The following COQ2 variants were observed in gnomAD, a reference collection of about 807,000 sequenced individuals.
COQ2 encodes the protein coenzyme Q2, polyprenyltransferase, also known as 4-hydroxybenzoate polyprenyltransferase, mitochondrial.
A neutral mutation model predicts 35.7 loss-of-function variants in COQ2; 25 were observed. The ratio of observed to expected loss-of-function variants is 0.70; its 90% CI spans 0.51 to 0.98. The LOEUF is 0.98. Ranked by LOEUF, COQ2 falls within the 50% of genes least tolerant of loss-of-function variation. COQ2 has a pLI of 0.00. For missense variants in COQ2, 488 were observed against 473.5 expected (o/e 1.03, Z -0.28); for synonymous variants, 206 against 186.2 (o/e 1.11, Z -0.86).
At chr4:83,279,701 G>A (rs565801630) in intron 1 of COQ2, among the ~76,000 whole-genome samples, 3 of 152,136 alleles carry the variant, frequency 2.0e-5, no homozygotes, top group African/African-American at 7.2e-5. Flanking sequence ...CTTCTGAGTA[G>A]GGGAACTGCA....
chr4:83,266,434 T>C (rs1217607207), intron 6 of COQ2, among the ~76,000 whole-genome samples: 3 of 151,832 alleles, frequency 2.0e-5, no homozygotes, highest in African/African-American at 4.8e-5. Context: ...CTTGGCTCAC[T>C]GGAACCTCTA....
At chr4:83,278,823 T>A in intron 2 of COQ2, 125 bp downstream of exon 2, 1 of 1,102,134 alleles carries the variant, frequency 9.1e-7, no homozygotes. Flanking sequence ...CCTGGCATTT[T>A]CCATGCTGGA....
Position 83,278,873 on chromosome 4 carries a change from A to G in COQ2, c.420+75T>C, listed in dbSNP as rs543756233. The G allele has an allele frequency of 2.2e-6, 3 of 1,389,824 alleles. No homozygotes were observed. In the South Asian group the frequency reaches 5.2e-5, roughly 24 times the overall value. 86.1% of individuals were successfully genotyped at this position (1,389,824 alleles called of 1,614,324 possible). A position where few individuals can be genotyped will look rare whatever the true frequency, so the allele number is the denominator to read the frequency against. ...GAATGATCTTGTTGCTTTATATGGC[A>G]TTCAAAAGTGATACCACTATGTTAT... On this transcript the variant is annotated intron_variant, in intron 2 of 6. Transcript: ENST00000647002.
chr4:83,276,360 T>C (rs1442058808), intron 2 of COQ2, among the ~76,000 whole-genome samples: 2 of 152,176 alleles, frequency 1.3e-5, no homozygotes, highest in Non-Finnish European at 2.9e-5. Flanking sequence ...TTTGCTCTGT[T>C]GATTATTTCT....
At chr4:83,279,841 T>C (rs1735274994) in intron 1 of COQ2, among the ~76,000 whole-genome samples, 1 of 148,166 alleles carries the variant, frequency 6.7e-6, no homozygotes, top group Admixed American at 7.0e-5. Context: ...GTTAGTACAA[T>C]ACACTTAGAC....
chr4:83,283,002 C>A (rs561791449), intron 1 of COQ2, among the ~76,000 whole-genome samples: 1 of 152,292 alleles, frequency 6.6e-6, no homozygotes, highest in South Asian at 2.1e-4. Context: ...GAATTACAGC[C>A]AGGCTTCAGA....
At chr4:83,284,155 G>C (rs1255983027) in intron 1 of COQ2, 3 of 985,434 alleles carry the variant, frequency 3.0e-6, no homozygotes, top group Non-Finnish European at 3.6e-6. Flanking sequence ...CCTTCCGCTT[G>C]AGTCACCATT....
upstream of COQ2, chr4:83,284,934 G>A (rs1735436787): frequency 4.1e-6 from 6 of 1,448,616 alleles, no homozygotes; most frequent in East Asian, 1.2e-4. Flanking sequence ...TTACTCTAGG[G>A]AGGAATACTT....
Position 83,269,883 on chromosome 4 carries a change from A to G in COQ2, c.739T>C (p.Tyr247His), listed in dbSNP as rs1735006080. ...ACCTGATGGGCATAAATAGTATCAT[A>G]TATTAGTGTCCACATAACTCCAGAA... ...YFSGVMWTLI[Y>H]DTIYAHQDKR... The change falls in exon 5 of 7, where the codon TAT becomes CAT. Residue 247 changes from tyrosine to histidine, a missense_variant. Coordinates refer to ENST00000647002, the MANE Select transcript of COQ2 (RefSeq NM_001358921.2). 7.5e-6 allele frequency: 12 copies of G among 1,607,922 alleles called. No homozygotes were observed. The highest frequency in any genetic ancestry group is 1.3e-5 in the African/African-American group (1 of 74,710).
intron 1 of COQ2, chr4:83,283,183 G>T: frequency 2.9e-6 from 2 of 683,666 alleles, no homozygotes; most frequent in Non-Finnish European, 3.6e-6. Context: ...AATAGGTCGT[G>T]CATAAATCTA....
intron 1 of COQ2, chr4:83,284,251 G>C (rs1165380582): frequency 2.0e-6 from 2 of 985,450 alleles, no homozygotes. Context: ...GGGTCCTTTA[G>C]GAGACTGTCC....
intron 2 of COQ2, among the ~76,000 whole-genome samples, chr4:83,276,496 A>G (rs1157398392): frequency 1.3e-5 from 2 of 152,230 alleles, no homozygotes; most frequent in African/African-American, 4.8e-5. Context: ...TAAAACCACA[A>G]TGAGATACCA....
intron 1 of COQ2, chr4:83,282,425 C>T (rs1001568607): frequency 6.5e-6 from 1 of 152,788 alleles, no homozygotes; most frequent in East Asian, 1.9e-4. Context: ...TGGAATTCTA[C>T]TCCTGTCAAT....
chr4:83,282,303 C>T (rs535445357), intron 1 of COQ2, among the ~76,000 whole-genome samples: 1 of 152,214 alleles, frequency 6.6e-6, no homozygotes, highest in South Asian at 2.1e-4. Context: ...TCAAAAACAA[C>T]GAAAACCTAC....
Position 83,277,317 on chromosome 4 carries a change from C to T in COQ2, c.420+1631G>A, listed in dbSNP as rs183755691. 3.8e-3 allele frequency among the ~76,000 whole-genome samples: 573 copies of T among 152,312 alleles called. 6 individuals carry two copies. Among genetic ancestry groups the T allele is most frequent in the Middle Eastern group, 0.01 (3 of 294 alleles). On this transcript the variant is annotated intron_variant, in intron 2 of 6. Transcript: ENST00000647002. Reference sequence around the variant, plus strand: ...CTACACCCCATATCCTCCAGCCACACACAGACCATGTAGTTGCTGCTATCA... The same window carrying T: ...CTACACCCCATATCCTCCAGCCACATACAGACCATGTAGTTGCTGCTATCA...
At chr4:83,273,218 A>C (rs1476217374) in intron 3 of COQ2, among the ~76,000 whole-genome samples, 1 of 152,246 alleles carries the variant, frequency 6.6e-6, no homozygotes, top group Non-Finnish European at 1.5e-5. Context: ...GCACGCACTT[A>C]GAAAACCTAT....
chr4:83,277,512 G>A (rs1243796083), intron 2 of COQ2, among the ~76,000 whole-genome samples: 1 of 152,138 alleles, frequency 6.6e-6, no homozygotes, highest in African/African-American at 2.4e-5. Context: ...GAGGTAAGTG[G>A]TCTTCAGCAA....
chr4:83,273,035 G>A (rs1735086055), intron 3 of COQ2, among the ~76,000 whole-genome samples: 1 of 152,186 alleles, frequency 6.6e-6, no homozygotes, highest in South Asian at 2.1e-4. Flanking sequence ...AGAGATACAG[G>A]AATGAGTCCT....
chr4:83,269,570 A>G (rs911014367), intron 5 of COQ2, among the ~76,000 whole-genome samples: 2 of 152,224 alleles, frequency 1.3e-5, no homozygotes, highest in African/African-American at 4.8e-5. Context: ...TTAAGTCTGT[A>G]AAGTACTTAA....
Sources: allele counts gnomAD v4.1 joint callset (sites outside exome capture counted in the v4.1 genomes callset), GRCh38; gene constraint gnomAD v4.1.1; transcripts MANE v1.5; gene names NCBI Gene and HGNC (gene_info 2026-07-23, HGNC 2026-07-21).